The following C19orf47 variants were observed in gnomAD, a reference collection of about 807,000 sequenced individuals.
C19orf47 encodes the protein chromosome 19 open reading frame 47, also known as uncharacterized protein C19orf47.
A neutral mutation model predicts 32.3 loss-of-function variants in C19orf47; 18 were observed. That is an observed-to-expected ratio of 0.56 (90% CI 0.39 to 0.83). C19orf47 has a LOEUF of 0.83. Ranked by LOEUF, C19orf47 falls within the 40% of genes least tolerant of loss-of-function variation. The pLI is 0.00. For missense variants in C19orf47, 484 were observed against 531.6 expected, an observed-to-expected ratio of 0.91 and a Z score of 0.88; for synonymous variants, 202 against 211.1, an observed-to-expected ratio of 0.96 and a Z score of 0.37.
In C19orf47 at chr19:40,324,069, A is replaced by G. The variant is rs139156915; in HGVS notation, c.600T>C (p.His200=). 506 of 1,614,194 alleles carry G rather than the reference A, an allele frequency of 3.1e-4. No individual in the cohort carries two copies. Among genetic ancestry groups the G allele is most frequent in the Admixed American group, 3.8e-4 (23 of 60,026 alleles). Residue 200 remains histidine (H), a synonymous_variant, in exon 8 of 9, where the codon CAT becomes CAC. Coordinates refer to ENST00000683109, the MANE Select transcript of C19orf47 (RefSeq NM_001256441.2). ...LEQQQAAKGL[H]RTSVFDRLGA... ...CGAGGCGGTCAAACACAGACGTCCT[A>G]TGGAGACCTGGGAGGGAAGTGAAGC... is the stretch of plus-strand genomic sequence containing the variant.
chr19:40,323,223 G>A (rs558303587), intron 8 of C19orf47, among the ~76,000 whole-genome samples: 28 of 152,354 alleles, frequency 1.8e-4, no homozygotes, highest in African/African-American at 6.7e-4. Context: ...GACACTGGCA[G>A]GCAGGAAACG....
chr19:40,302,116 G>A, the C19orf47 span, among the ~76,000 whole-genome samples: 10 of 150,566 alleles, frequency 6.6e-5, no homozygotes, highest in Admixed American at 1.3e-4. Flanking sequence ...AGCCAAGAAC[G>A]TGCCACTGCA....
chr19:40,336,583 G>C (rs771405624), intron 2 of C19orf47, among the ~76,000 whole-genome samples, 176 bp from the exon 3 acceptor site: 1 of 152,194 alleles, frequency 6.6e-6, no homozygotes, highest in Non-Finnish European at 1.5e-5. Context: ...GAGTTAAGCA[G>C]TATTAAGATT....
At chr19:40,322,909 C>T (rs183418766) in intron 8 of C19orf47, among the ~76,000 whole-genome samples, 52 of 152,316 alleles carry the variant, frequency 3.4e-4, no homozygotes, top group African/African-American at 1.1e-3. Flanking sequence ...ATGACAGTAA[C>T]GCATTCTAGA....
intron 4 of C19orf47, among the ~76,000 whole-genome samples, chr19:40,335,883 A>G (rs952442533): frequency 1.3e-5 from 2 of 152,246 alleles, no homozygotes; most frequent in Non-Finnish European, 2.9e-5. Flanking sequence ...TGCTGAGATT[A>G]CAGGCGTGAG....
In C19orf47 at chr19:40,324,031, T is replaced by C; in HGVS notation, c.638A>G (p.Lys213Arg). The C allele has an allele frequency of 6.2e-7, 1 of 1,614,192 alleles. No homozygotes were observed. Among genetic ancestry groups the C allele is most frequent in the South Asian group, 1.1e-5 (1 of 91,086 alleles). ...TTTACTCCCTGTCGTGGTGTCTGCC[T>C]TGGTCTCGGCGCCGAGGCGGTCAAA... ...SVFDRLGAET[K>R]ADTTTGSKPT... Residue 213 changes from lysine (K) to arginine (R), a missense_variant, in exon 8 of 9, where the codon AAG (lysine) becomes AGG (arginine). Around this residue, in one of 3 missense-constraint regions of C19orf47, gnomAD observed 376 missense variants for 370.2 expected, o/e 1.02. Coordinates refer to ENST00000683109, the MANE Select transcript of C19orf47 (RefSeq NM_001256441.2).
At position 40,326,373 on chromosome 19, in the gene C19orf47, G is replaced by C. The variant is rs763108351; in HGVS notation, c.553C>G (p.Arg185Gly). ...VINMPKGTTP[R>G]TRKILEQQQA... is the part of the protein sequence containing the mutation. ...TGCTGCTCCAGGATCTTGCGGGTGC[G>C]GGGTGTGGTGCCTTTGGGCATGTTG... Residue 185 changes from arginine to glycine, a missense_variant, in exon 7 of 9, where the codon CGC becomes GGC. Physicochemically the swap from Arg to Gly is moderately radical, Grantham distance 125. This residue lies in a region of C19orf47 where 376 missense variants were observed against 370.2 expected (regional missense o/e 1.02). Transcript: ENST00000683109. The C allele has an allele frequency of 6.2e-7, 1 of 1,614,066 alleles. No homozygotes were observed.
the C19orf47 span, among the ~76,000 whole-genome samples, chr19:40,313,376 G>A: frequency 6.6e-6 from 1 of 152,120 alleles, no homozygotes; most frequent in East Asian, 1.9e-4. Flanking sequence ...CCAGGCTAGA[G>A]TGCAGTGTCG....
Position 40,330,534 on chromosome 19 carries a change from G to A in C19orf47, c.302-1984C>T, listed in dbSNP as rs58613932. ...ATTACAGGCGTGAGCCACCATACCC[G>A]GCCCTCTTTTTTTTTTTTTTTTTTT... is the stretch of plus-strand genomic sequence containing the variant. On this transcript the variant is annotated intron_variant, in intron 5 of 8. Transcript: ENST00000683109. Among the ~76,000 whole-genome samples, 1,258 of 127,666 alleles carry A rather than the reference G, an allele frequency of 9.9e-3. 23 individuals carry two copies. The highest frequency in any genetic ancestry group is 0.035 in the African/African-American group (1,207 of 34,098). The allele number at this position is 127,666 out of a possible 152,430, so 83.8% of individuals were successfully genotyped here.
intron 5 of C19orf47, 107 bp downstream of exon 5, chr19:40,333,744 G>C: frequency 1.1e-6 from 1 of 911,154 alleles, no homozygotes. Context: ...CAATGGCTTT[G>C]TTTCTACCTT....
In C19orf47 at chr19:40,322,156, A is replaced by C. The variant is rs372434701; in HGVS notation, c.884T>G (p.Leu295Arg). The C allele has an allele frequency of 2.5e-6, 4 of 1,613,474 alleles. No individual in the cohort carries two copies. The African/African-American group carries it at 5.3e-5, about 22-fold the overall frequency. ...TTAAAPTLRR[L>R]ALSSRSGLER... ...AAGCCCAGACCGTGAGGAAAGCGCC[A>C]GGCGCCGCAGTGTCGGGGCAGCAGC... The change falls in exon 9 of 9, where the codon CTG becomes CGG. Residue 295 changes from leucine to arginine, a missense_variant. Transcript: ENST00000683109.
chr19:40,316,430 T>A (rs542302908), downstream of C19orf47, among the ~76,000 whole-genome samples: 2 of 152,256 alleles, frequency 1.3e-5, no homozygotes, highest in East Asian at 3.9e-4. Flanking sequence ...TGCACCACCA[T>A]CTCCTCATCC....
chr19:40,309,579 C>T, the C19orf47 span, among the ~76,000 whole-genome samples: 2 of 151,876 alleles, frequency 1.3e-5, no homozygotes, highest in African/African-American at 2.4e-5. Context: ...GGGCTCAGAG[C>T]ACTTAAACCT....
chr19:40,298,998 A>G, the C19orf47 span, among the ~76,000 whole-genome samples: 1 of 152,184 alleles, frequency 6.6e-6, no homozygotes. Flanking sequence ...ATGCAAAACT[A>G]GAATTTGGCA....
At chr19:40,302,471 T>C in the C19orf47 span, among the ~76,000 whole-genome samples, 13 of 152,200 alleles carry the variant, frequency 8.5e-5, no homozygotes, top group Middle Eastern at 6.8e-3. Flanking sequence ...TTTTTTTGTA[T>C]TTTTTATAGA....
In C19orf47 at chr19:40,335,608, ATTTTTTT is replaced by A. The variant is rs546028873; in HGVS notation, c.222+495_222+501del. ...AAAATATATACAACCACCATTCAAG[ATTTTTTT>A]TTTTTTTTTTTCTTGAGAGAGTCTC... On this transcript the variant is annotated intron_variant, in intron 4 of 8. Transcript: ENST00000683109. Among the ~76,000 whole-genome samples the A allele has an allele frequency of 1.4e-4, 20 of 139,190 alleles. No individual in the cohort carries two copies. In the East Asian group the frequency reaches 1.7e-3, roughly 12 times the overall value. 91.3% of individuals were successfully genotyped at this position (139,190 alleles called of 152,430 possible). A position where few individuals can be genotyped will look rare whatever the true frequency, so the allele number is the denominator to read the frequency against.
At chr19:40,304,220 A>C in the C19orf47 span, among the ~76,000 whole-genome samples, 1 of 152,220 alleles carries the variant, frequency 6.6e-6, no homozygotes, top group Non-Finnish European at 1.5e-5. Context: ...GAGAAGTTTC[A>C]GATAGGAGAA....
At chr19:40,304,787 G>C in the C19orf47 span, among the ~76,000 whole-genome samples, 3 of 152,258 alleles carry the variant, frequency 2.0e-5, no homozygotes, top group East Asian at 5.8e-4. Context: ...ACCTAGAAGG[G>C]TACAGGGAAG....
intron 2 of C19orf47, among the ~76,000 whole-genome samples, chr19:40,337,948 C>CACCT (rs1392858720): frequency 6.6e-6 from 1 of 152,198 alleles, no homozygotes; most frequent in East Asian, 1.9e-4. Context: ...CAGAAGCAGG[C>CACCT]ACCTCTAACT....
Sources: allele counts gnomAD v4.1 joint callset (sites outside exome capture counted in the v4.1 genomes callset), GRCh38; gene constraint gnomAD v4.1.1; regional missense constraint gnomAD v4.1.1; transcripts MANE v1.5; gene names NCBI Gene and HGNC (gene_info 2026-07-23, HGNC 2026-07-21).